Variants in ACTR3C observed in about 807,000 individuals in gnomAD.
ACTR3C encodes the protein actin-related protein 3C.
In ACTR3C, 18 loss-of-function variants were observed where a neutral mutation model predicts 26.3. The observed-to-expected ratio is 0.68, with a 90% CI of 0.47 to 1.01. The LOEUF is 1.01. Among genes scored for constraint, ACTR3C ranks in the 50% least tolerant of loss-of-function variants. The probability of loss-of-function intolerance (pLI) is 0.00; values close to 1 mark genes in which losing one functional copy is unlikely to be tolerated. For missense variants in ACTR3C, 184 were observed against 250.7 expected (o/e 0.73, Z 1.80); for synonymous variants, 55 against 94.5 (o/e 0.58, Z 2.42).
the ACTR3C span, among the ~76,000 whole-genome samples, chr7:150,135,409 C>T: frequency 6.6e-6 from 1 of 152,210 alleles, no homozygotes; most frequent in South Asian, 2.1e-4. Context: ...GCTTCATGCT[C>T]AGTGGCCATG....
At chr7:150,119,990 T>G in the ACTR3C span, among the ~76,000 whole-genome samples, 4 of 152,118 alleles carry the variant, frequency 2.6e-5, no homozygotes, top group Non-Finnish European at 5.9e-5. Context: ...GACTACTGGG[T>G]AAATAATGAA....
chr7:150,246,086 T>A (rs1193428711), downstream of ACTR3C: 1 of 152,178 alleles, frequency 6.6e-6, no homozygotes, highest in African/African-American at 2.4e-5. Context: ...TAGGCAGGAA[T>A]TGGTTCAATA....
the ACTR3C span, among the ~76,000 whole-genome samples, chr7:149,914,765 G>C: frequency 6.6e-6 from 1 of 151,740 alleles, no homozygotes; most frequent in Non-Finnish European, 1.5e-5. Context: ...AAGCCAAGGA[G>C]ATCTACTATC....
At chr7:150,229,667 T>A in the ACTR3C span, among the ~76,000 whole-genome samples, 1 of 150,046 alleles carries the variant, frequency 6.7e-6, no homozygotes, top group African/African-American at 2.5e-5. Context: ...TTTTTTTTTT[T>A]TGTATTTTTA....
chr7:150,235,068 C>A, the ACTR3C span, among the ~76,000 whole-genome samples: 1 of 152,162 alleles, frequency 6.6e-6, no homozygotes, highest in Admixed American at 6.5e-5. Flanking sequence ...ATCTCTCTTC[C>A]AATGAGATCA....
At chr7:150,271,912 T>C (rs545016386) in intron 6 of ACTR3C, among the ~76,000 whole-genome samples, 1 of 148,366 alleles carries the variant, frequency 6.7e-6, no homozygotes, top group Non-Finnish European at 1.5e-5. Context: ...CTCGCCCAGA[T>C]GAAATGGAAA....
At chr7:150,311,338 C>G (rs1296248484) in intron 1 of ACTR3C, among the ~76,000 whole-genome samples, 2 of 152,222 alleles carry the variant, frequency 1.3e-5, no homozygotes, top group Non-Finnish European at 2.9e-5. Context: ...CTTGACCTCA[C>G]AGTTCTAGGC....
At chr7:150,259,967 A>G (rs1833523468) in intron 6 of ACTR3C, among the ~76,000 whole-genome samples, 1 of 152,170 alleles carries the variant, frequency 6.6e-6, no homozygotes, top group Admixed American at 6.5e-5. Context: ...CAAAATAGGG[A>G]ATTTTTGACC....
the ACTR3C span, among the ~76,000 whole-genome samples, chr7:150,180,762 G>A: frequency 2.0e-5 from 3 of 148,694 alleles, no homozygotes; most frequent in African/African-American, 7.8e-5. Flanking sequence ...CGCCCGCCTC[G>A]GCCTCCAAAA....
the ACTR3C span, among the ~76,000 whole-genome samples, chr7:150,162,074 T>G: frequency 2.0e-5 from 3 of 152,256 alleles, no homozygotes; most frequent in African/African-American, 7.2e-5. Flanking sequence ...ACATTAATTT[T>G]TACTTAAGTC....
At chr7:149,941,744 T>A in the ACTR3C span, among the ~76,000 whole-genome samples, 1 of 152,354 alleles carries the variant, frequency 6.6e-6, no homozygotes, top group Admixed American at 6.5e-5. Context: ...GGGGAAGGGC[T>A]AATGAGATGG....
At chr7:150,064,364 G>A in the ACTR3C span, among the ~76,000 whole-genome samples, 1 of 146,364 alleles carries the variant, frequency 6.8e-6, no homozygotes, top group East Asian at 2.0e-4. Flanking sequence ...AGACCAGCCT[G>A]GCCAACATGG....
chr7:150,142,129 A>G, the ACTR3C span, among the ~76,000 whole-genome samples: 9 of 152,160 alleles, frequency 5.9e-5, no homozygotes, highest in Non-Finnish European at 1.3e-4. Flanking sequence ...TGTACCCAGT[A>G]TATGCAAAAC....
At chr7:150,127,452 C>T in the ACTR3C span, among the ~76,000 whole-genome samples, 9 of 152,126 alleles carry the variant, frequency 5.9e-5, 1 homozygote, top group South Asian at 4.2e-4. Context: ...TGATTCAGGT[C>T]GGACAACGGC....
At chr7:150,036,775 T>C in the ACTR3C span, among the ~76,000 whole-genome samples, 2 of 137,542 alleles carry the variant, frequency 1.5e-5, 1 homozygote, top group Non-Finnish European at 3.4e-5. Context: ...CGTCGGAAGA[T>C]TTGAACTTTC....
chr7:150,116,960 T>C, the ACTR3C span, among the ~76,000 whole-genome samples: 3 of 151,842 alleles, frequency 2.0e-5, no homozygotes, highest in East Asian at 5.8e-4. Flanking sequence ...GGGCATCACC[T>C]CACTCAGGAA....
chr7:149,911,533 G>A, the ACTR3C span, among the ~76,000 whole-genome samples: 3 of 151,922 alleles, frequency 2.0e-5, no homozygotes, highest in Admixed American at 2.0e-4. Flanking sequence ...AACTGCTAGC[G>A]GAAGGACCAA....
At chr7:150,215,775 T>C in the ACTR3C span, among the ~76,000 whole-genome samples, 1 of 151,426 alleles carries the variant, frequency 6.6e-6, no homozygotes, top group African/African-American at 2.4e-5. Flanking sequence ...AGATTCCTTG[T>C]TGGCAAAAAT....
At chr7:150,136,685 A>G in the ACTR3C span, among the ~76,000 whole-genome samples, 1 of 151,968 alleles carries the variant, frequency 6.6e-6, no homozygotes, top group African/African-American at 2.4e-5. Flanking sequence ...TAAATAAATA[A>G]ATAAATAAAT....
Sources: allele counts gnomAD v4.1 joint callset (sites outside exome capture counted in the v4.1 genomes callset), GRCh38; gene constraint gnomAD v4.1.1; transcripts MANE v1.5; gene names NCBI Gene and HGNC (gene_info 2026-07-23, HGNC 2026-07-21).